The following TASP1 variants were observed in gnomAD, a reference collection of about 807,000 sequenced individuals.
TASP1 encodes the protein threonine aspartase 1.
Under a neutral mutation model 56.6 loss-of-function variants are expected in TASP1, and 16 were observed. The observed-to-expected ratio is 0.28, with a 90% CI of 0.19 to 0.43. The LOEUF is 0.43. TASP1 is among the 20% of genes least tolerant of loss of function. The pLI, the probability that TASP1 is intolerant of heterozygous loss-of-function variation, is 1.00. For synonymous variants in TASP1, 179 were observed against 184.2 expected, an observed-to-expected ratio of 0.97 and a Z score of 0.23; for missense variants, 393 against 511.6, an observed-to-expected ratio of 0.77 and a Z score of 2.24.
the TASP1 span, among the ~76,000 whole-genome samples, chr20:13,272,310 CA>C: frequency 3.9e-5 from 6 of 152,162 alleles, no homozygotes; most frequent in African/African-American, 1.4e-4. Context: ...CTCTTAACAC[CA>C]GCATCATGGG....
At chr20:13,329,303 G>A in the TASP1 span, among the ~76,000 whole-genome samples, 1 of 152,156 alleles carries the variant, frequency 6.6e-6, no homozygotes. Flanking sequence ...ATGGTGTAAT[G>A]CAATATGACT....
the TASP1 span, among the ~76,000 whole-genome samples, chr20:13,150,127 T>G: frequency 6.6e-6 from 1 of 152,202 alleles, no homozygotes; most frequent in Non-Finnish European, 1.5e-5. Context: ...ATCCTTACCA[T>G]AGCCCTCTTT....
the TASP1 span, among the ~76,000 whole-genome samples, chr20:13,226,006 TCA>T: frequency 1.3e-5 from 2 of 152,210 alleles, no homozygotes; most frequent in Non-Finnish European, 2.9e-5. Context: ...CCACTAAATC[TCA>T]GTCAGTTTTA....
the TASP1 span, among the ~76,000 whole-genome samples, chr20:13,201,337 T>C: frequency 6.6e-6 from 1 of 151,938 alleles, no homozygotes; most frequent in African/African-American, 2.4e-5. Flanking sequence ...AGTGGGTGGA[T>C]TTCAGATGCG....
the TASP1 span, among the ~76,000 whole-genome samples, chr20:13,139,435 G>A: frequency 1.3e-5 from 2 of 152,106 alleles, no homozygotes; most frequent in African/African-American, 4.8e-5. Context: ...TGTTTCTGTT[G>A]GGCAAGACAG....
intron 10 of TASP1, among the ~76,000 whole-genome samples, chr20:13,519,667 A>C (rs1167610890): frequency 1.3e-5 from 2 of 152,228 alleles, no homozygotes; most frequent in Non-Finnish European, 2.9e-5. Context: ...CCAATATCGT[A>C]CTGAATGGGC....
the TASP1 span, among the ~76,000 whole-genome samples, chr20:13,256,911 T>C: frequency 6.6e-6 from 1 of 151,958 alleles, no homozygotes; most frequent in Non-Finnish European, 1.5e-5. Context: ...TTGAAAAAGG[T>C]GGAGGAGGTG....
intron 8 of TASP1, among the ~76,000 whole-genome samples, chr20:13,543,888 A>G (rs1046115830): frequency 6.6e-6 from 1 of 152,178 alleles, no homozygotes; most frequent in African/African-American, 2.4e-5. Flanking sequence ...GCAGTTTTCT[A>G]TTACCTAACA....
Position 13,483,339 on chromosome 20 carries a change from T to C in TASP1, c.875-2A>G. The C allele has an allele frequency of 1.3e-6, 2 of 1,552,668 alleles. No homozygotes were observed. The highest frequency in any genetic ancestry group is 8.7e-7 in the Non-Finnish European group (1 of 1,147,610). On this transcript the variant is annotated splice_acceptor_variant, in intron 10 of 13. Transcript: ENST00000337743. LOFTEE classifies it high-confidence loss of function. ...TGCGCACAAGATGCTCTCCACATCC[T>C]AGAAATCCAAAGAAACCAACAGTTG...
At chr20:13,439,178 A>T (rs1192962232) in intron 11 of TASP1, among the ~76,000 whole-genome samples, 1 of 152,204 alleles carries the variant, frequency 6.6e-6, no homozygotes, top group African/African-American at 2.4e-5. Flanking sequence ...AGGATTATAG[A>T]TCATGCTGCT....
the TASP1 span, among the ~76,000 whole-genome samples, chr20:13,311,757 T>C: frequency 6.6e-6 from 1 of 151,802 alleles, no homozygotes; most frequent in Non-Finnish European, 1.5e-5. Flanking sequence ...CAGCAGAGAG[T>C]AGAATGGTAG....
chr20:13,324,822 G>A, the TASP1 span, among the ~76,000 whole-genome samples: 2 of 152,292 alleles, frequency 1.3e-5, no homozygotes, highest in African/African-American at 2.4e-5. Flanking sequence ...CTGGAAGCAC[G>A]CTTAGAAATA....
chr20:13,566,494 A>G (rs2046533662), intron 7 of TASP1, among the ~76,000 whole-genome samples: 1 of 152,156 alleles, frequency 6.6e-6, no homozygotes, highest in Admixed American at 6.6e-5. Flanking sequence ...GGAATGAAAA[A>G]AAAACAAGCT....
the TASP1 span, among the ~76,000 whole-genome samples, chr20:13,375,083 T>G: frequency 2.0e-5 from 3 of 152,136 alleles, no homozygotes; most frequent in African/African-American, 7.2e-5. Flanking sequence ...GTGTTGTGTT[T>G]TGTTTTGTTT....
chr20:13,463,488 C>T (rs143037976), intron 11 of TASP1, among the ~76,000 whole-genome samples: 194 of 151,420 alleles, frequency 1.3e-3, no homozygotes, highest in African/African-American at 4.5e-3. Flanking sequence ...ACCAAAAGCA[C>T]AGGCAACAAA....
the TASP1 span, among the ~76,000 whole-genome samples, chr20:13,383,070 T>C: frequency 6.6e-6 from 1 of 152,150 alleles, no homozygotes; most frequent in African/African-American, 2.4e-5. Flanking sequence ...GTGTGTGGGC[T>C]GCTCAAAGAA....
the TASP1 span, among the ~76,000 whole-genome samples, chr20:13,145,100 A>AT: frequency 6.6e-6 from 1 of 152,134 alleles, no homozygotes; most frequent in South Asian, 2.1e-4. Flanking sequence ...TGAAAAAAAA[A>AT]TTCTAGAAAC....
the TASP1 span, chr20:13,279,943 C>T: frequency 2.3e-4 from 354 of 1,570,106 alleles, 1 homozygote; most frequent in Middle Eastern, 1.7e-3. Context: ...GAAGAATAAA[C>T]GAGGATGATG....
At chr20:13,394,330 G>A (rs913866835) in intron 13 of TASP1, among the ~76,000 whole-genome samples, 2 of 129,348 alleles carry the variant, frequency 1.5e-5, no homozygotes, top group Non-Finnish European at 3.1e-5. Context: ...AAAAAAAAAG[G>A]CCTGGTGCGG....
Sources: allele counts gnomAD v4.1 joint callset (sites outside exome capture counted in the v4.1 genomes callset), GRCh38; gene constraint gnomAD v4.1.1; transcripts MANE v1.5; gene names NCBI Gene and HGNC (gene_info 2026-07-23, HGNC 2026-07-21).